Variants in FOXJ3 observed in about 807,000 individuals in gnomAD.
The protein encoded by FOXJ3 is forkhead box protein J3.
Under a neutral mutation model 76.1 loss-of-function variants are expected in FOXJ3, and 22 were observed. The ratio of observed to expected loss-of-function variants is 0.29; its 90% CI spans 0.21 to 0.41. The LOEUF (loss-of-function observed/expected upper bound fraction) is 0.41, where lower values mean the gene tolerates loss of function less well. FOXJ3 is among the 10% of genes least tolerant of loss of function. The pLI, the probability that FOXJ3 is intolerant of heterozygous loss-of-function variation, is 1.00. For missense variants in FOXJ3, 613 were observed against 762.1 expected, an observed-to-expected ratio of 0.80 and a Z score of 2.30; for synonymous variants, 269 against 261.2, an observed-to-expected ratio of 1.03 and a Z score of -0.29.
intron 2 of FOXJ3, among the ~76,000 whole-genome samples, chr1:42,295,883 T>C (rs1653756985): frequency 6.6e-6 from 1 of 152,182 alleles, no homozygotes; most frequent in Non-Finnish European, 1.5e-5. Context: ...CCCAGTAGTG[T>C]GTTTACTGGA....
In FOXJ3 at chr1:42,177,604, G is replaced by A. The variant is rs1306216174; in HGVS notation, c.*2106C>T. ...GCCTTTCCAGAATCCTCTGATTTTCGTTGATCCAAGGGGCTGGAACTGAGC... is the reference window on the plus strand; with the variant it reads ...GCCTTTCCAGAATCCTCTGATTTTCATTGATCCAAGGGGCTGGAACTGAGC... On this transcript the variant is annotated 3_prime_UTR_variant, in exon 13 of 13. Transcript: ENST00000361346. 1 of 152,320 alleles carries A rather than the reference G, an allele frequency of 6.6e-6. No individual in the cohort carries two copies. The highest frequency in any genetic ancestry group is 6.6e-5 in the Admixed American group (1 of 15,256). 9.4% of individuals were successfully genotyped at this position (152,320 alleles called of 1,614,324 possible).
At chr1:42,321,921 G>A (rs1273430518) in intron 1 of FOXJ3, among the ~76,000 whole-genome samples, 2 of 152,138 alleles carry the variant, frequency 1.3e-5, no homozygotes, top group African/African-American at 2.4e-5. Context: ...TGATGCATTG[G>A]AGGACAAATA....
At chr1:42,204,272 CT>C (rs1230045881) in intron 6 of FOXJ3, among the ~76,000 whole-genome samples, 3 of 151,984 alleles carry the variant, frequency 2.0e-5, no homozygotes, top group South Asian at 4.2e-4. Flanking sequence ...CCTCCCTCTT[CT>C]TTTTTTTCAA....
intron 5 of FOXJ3, among the ~76,000 whole-genome samples, chr1:42,219,403 G>T (rs1327980814): frequency 6.6e-6 from 1 of 152,044 alleles, no homozygotes; most frequent in African/African-American, 2.4e-5. Context: ...TGCCTGTTTA[G>T]GAAAAAAACA....
At chr1:42,278,312 A>T in intron 3 of FOXJ3, 36 bp downstream of exon 3, 1 of 1,345,132 alleles carries the variant, frequency 7.4e-7, no homozygotes, top group Non-Finnish European at 1.0e-6. Context: ...ATCATTGCTT[A>T]CTTCATAAAA....
chr1:42,321,980 T>G (rs1456840268), intron 1 of FOXJ3, among the ~76,000 whole-genome samples: 2 of 152,158 alleles, frequency 1.3e-5, no homozygotes, highest in Non-Finnish European at 2.9e-5. Context: ...CACTGGAATA[T>G]CGAATTAACT....
intron 2 of FOXJ3, among the ~76,000 whole-genome samples, chr1:42,303,016 TA>T (rs1412066102): frequency 6.6e-6 from 1 of 152,076 alleles, no homozygotes; most frequent in Non-Finnish European, 1.5e-5. Context: ...GGTTTTCTAT[TA>T]CCTTTTTCCA....
At chr1:42,279,171 T>C (rs1425881182) in intron 2 of FOXJ3, among the ~76,000 whole-genome samples, 2 of 152,056 alleles carry the variant, frequency 1.3e-5, no homozygotes, top group African/African-American at 2.4e-5. Flanking sequence ...GAAACTGGCA[T>C]AGGAATCTGC....
intron 4 of FOXJ3, among the ~76,000 whole-genome samples, chr1:42,254,770 C>T (rs927427683): frequency 2.4e-4 from 35 of 145,640 alleles, no homozygotes; most frequent in Admixed American, 2.1e-4. Context: ...GCAATGAGAG[C>T]ACATGGACAC....
chr1:42,196,857 G>A (rs1646661287), intron 7 of FOXJ3, among the ~76,000 whole-genome samples: 1 of 152,142 alleles, frequency 6.6e-6, no homozygotes, highest in Non-Finnish European at 1.5e-5. Flanking sequence ...TGGACTGTGT[G>A]CTTTGCTTTC....
intron 4 of FOXJ3, among the ~76,000 whole-genome samples, chr1:42,256,597 T>C (rs1650607900): frequency 6.6e-6 from 1 of 152,160 alleles, no homozygotes. Flanking sequence ...CTGTTGGCCA[T>C]GGGAAGCAAA....
At chr1:42,282,395 T>C (rs1322276432) in intron 2 of FOXJ3, among the ~76,000 whole-genome samples, 1 of 152,204 alleles carries the variant, frequency 6.6e-6, no homozygotes, top group African/African-American at 2.4e-5. Context: ...TAACTCCTAC[T>C]ATACTACATC....
At chr1:42,290,123 T>A (rs1653325382) in intron 2 of FOXJ3, among the ~76,000 whole-genome samples, 6 of 152,048 alleles carry the variant, frequency 3.9e-5, no homozygotes, top group Non-Finnish European at 7.4e-5. Flanking sequence ...ATAGTTAAAG[T>A]CTATGTTAAA....
chr1:42,209,512 T>C (rs1173906693), intron 5 of FOXJ3, among the ~76,000 whole-genome samples: 7 of 152,144 alleles, frequency 4.6e-5, no homozygotes, highest in African/African-American at 1.7e-4. Flanking sequence ...TCTCTAGAGC[T>C]TGAGTGGGAG....
intron 11 of FOXJ3, among the ~76,000 whole-genome samples, chr1:42,188,027 G>T (rs1646471255): frequency 6.6e-6 from 1 of 152,162 alleles, no homozygotes; most frequent in East Asian, 1.9e-4. Context: ...TAGAATAATG[G>T]TTAAAGGAAG....
rs1469004140 is a variant in FOXJ3 at position 42,287,323 on chromosome 1, G to C, written c.45-8651C>G. ...CCACTGCACTCCAGCCTGGGTGACA[G>C]AGTGAGACTCCATCTTAAAAAAAAA... On this transcript the variant is annotated intron_variant, in intron 2 of 12. Transcript: ENST00000361346. Among the ~76,000 whole-genome samples the C allele has an allele frequency of 2.0e-5, 3 of 152,194 alleles. No individual in the cohort carries two copies. The East Asian group carries it at 5.8e-4, about 30-fold the overall frequency.
At chr1:42,226,532 A>G (rs923146890) in intron 5 of FOXJ3, among the ~76,000 whole-genome samples, 20 of 152,184 alleles carry the variant, frequency 1.3e-4, no homozygotes, top group African/African-American at 4.8e-4. Flanking sequence ...TGGCTTGAAC[A>G]CAGGAGGTGG....
At chr1:42,201,755 T>A (rs186168335) in intron 6 of FOXJ3, among the ~76,000 whole-genome samples, 2 of 152,310 alleles carry the variant, frequency 1.3e-5, no homozygotes, top group Admixed American at 1.3e-4. Flanking sequence ...ACATGTTACC[T>A]CTTTTTTAAA....
intron 2 of FOXJ3, among the ~76,000 whole-genome samples, chr1:42,292,832 G>A (rs1653530368): frequency 6.6e-6 from 1 of 152,190 alleles, no homozygotes; most frequent in Non-Finnish European, 1.5e-5. Flanking sequence ...TCAGCATGGT[G>A]GCTCACGCCT....
Sources: allele counts gnomAD v4.1 joint callset (sites outside exome capture counted in the v4.1 genomes callset), GRCh38; gene constraint gnomAD v4.1.1; transcripts MANE v1.5; gene names NCBI Gene and HGNC (gene_info 2026-07-23, HGNC 2026-07-21).